Variants in RELCH observed in about 807,000 individuals in gnomAD.
RELCH encodes the protein RAB11 binding and LisH domain, coiled-coil and HEAT repeat containing, also known as RAB11-binding protein RELCH.
A neutral mutation model predicts 150.3 loss-of-function variants in RELCH; 41 were observed. The observed-to-expected ratio is 0.27, with a 90% CI of 0.21 to 0.35. The LOEUF (loss-of-function observed/expected upper bound fraction) is 0.35, where lower values mean the gene tolerates loss of function less well. Ranked by LOEUF, RELCH falls within the 10% of genes least tolerant of loss-of-function variation. The pLI, the probability that RELCH is intolerant of heterozygous loss-of-function variation, is 1.00. For synonymous variants in RELCH, 478 were observed against 531.8 expected, an observed-to-expected ratio of 0.90 and a Z score of 1.39; for missense variants, 1,092 against 1,467.8, an observed-to-expected ratio of 0.74 and a Z score of 4.18.
At chr18:62,203,205 AT>A (rs1296553334) in intron 1 of RELCH, among the ~76,000 whole-genome samples, 2 of 152,132 alleles carry the variant, frequency 1.3e-5, no homozygotes, top group Non-Finnish European at 2.9e-5. Flanking sequence ...CACCTGTAAT[AT>A]CAGCACTTTG....
At chr18:62,235,963 G>A (rs1051537997) in intron 10 of RELCH, among the ~76,000 whole-genome samples, 2 of 151,678 alleles carry the variant, frequency 1.3e-5, no homozygotes, top group Non-Finnish European at 2.9e-5. Context: ...TTGCTTAATT[G>A]CTCTGGCTAG....
chr18:62,291,936 T>C (rs951739631), intron 27 of RELCH, among the ~76,000 whole-genome samples: 1 of 152,196 alleles, frequency 6.6e-6, no homozygotes, highest in Non-Finnish European at 1.5e-5. Flanking sequence ...CCATCAACTT[T>C]CTTAAGTGCA....
Position 62,187,328 on chromosome 18 carries a change from A to T in RELCH, c.-178A>T. On this transcript the variant is annotated 5_prime_UTR_variant, in exon 1 of 29. Coordinates refer to ENST00000644646, the MANE Select transcript of RELCH (RefSeq NM_001346231.2). ...CTGGTGCAGCAGAGGCTGAGGCATC[A>T]GGTGCAGCTGCATCCGGATCTCCTG... 2.1e-6 allele frequency: 1 copy of T among 486,638 alleles called. No individual in the cohort carries two copies. Among genetic ancestry groups the T allele is most frequent in the South Asian group, 5.4e-5 (1 of 18,426 alleles). The allele number at this position is 486,638 out of a possible 1,614,324, so 30.1% of individuals were successfully genotyped here. A position where few individuals can be genotyped will look rare whatever the true frequency, so the allele number is the denominator to read the frequency against.
intron 2 of RELCH, among the ~76,000 whole-genome samples, chr18:62,216,770 A>G (rs921159117): frequency 5.3e-5 from 8 of 151,900 alleles, no homozygotes; most frequent in Non-Finnish European, 1.0e-4. Flanking sequence ...CCTGGATTAG[A>G]AGTAGGCTTC....
rs573275458 is a variant in RELCH, at chr18:62,252,101, T to G, written c.1734-563T>G. On this transcript the variant is annotated intron_variant, in intron 11 of 28. Coordinates refer to ENST00000644646, the MANE Select transcript of RELCH (RefSeq NM_001346231.2). ...ACCTCCGCTTCCCAGGTTCAAGTGA[T>G]TCCCCTGCCTCAGCCTCCCGAGTAG... 9.2e-5 allele frequency among the ~76,000 whole-genome samples: 14 copies of G among 152,094 alleles called. No individual in the cohort carries two copies. The South Asian group carries it at 2.3e-3, about 25-fold the overall frequency.
At chr18:62,269,519 T>G (rs1238916648) in intron 20 of RELCH, 1 of 248,704 alleles carries the variant, frequency 4.0e-6, no homozygotes, top group Admixed American at 4.3e-5. Flanking sequence ...GAAGGTAATT[T>G]TATACAATAT....
chr18:62,272,737 A>G (rs17069685), intron 20 of RELCH, among the ~76,000 whole-genome samples: 2,594 of 152,184 alleles, frequency 0.017, 85 homozygotes, highest in East Asian at 0.13. Context: ...ATAAGATTAT[A>G]GTAAATTTTT....
At chr18:62,273,203 T>C (rs1748922080) in intron 20 of RELCH, among the ~76,000 whole-genome samples, 1 of 152,054 alleles carries the variant, frequency 6.6e-6, no homozygotes, top group African/African-American at 2.4e-5. Context: ...TTTAGGTTAA[T>C]TTAACATAAA....
In RELCH at chr18:62,227,360, T is replaced by C. The variant is rs553797859; in HGVS notation, c.930T>C (p.Asp310=). The change falls in exon 6 of 29, where the codon GAT becomes GAC. Residue 310 remains aspartate, a synonymous_variant. Transcript: ENST00000644646. ...CAGACTTATTGCAACTCTACCGGGATTTTGGAAATCATCAAGTAACTGGAA... is the reference window on the plus strand; with the variant it reads ...CAGACTTATTGCAACTCTACCGGGACTTTGGAAATCATCAAGTAACTGGAA... ...KPPDLLQLYR[D]FGNHQVTGKD... 5.6e-6 allele frequency: 9 copies of C among 1,612,718 alleles called. No individual in the cohort carries two copies. In the South Asian group the frequency reaches 9.9e-5, roughly 18 times the overall value.
intron 10 of RELCH, among the ~76,000 whole-genome samples, chr18:62,240,116 T>C (rs898083062): frequency 2.0e-5 from 3 of 151,926 alleles, no homozygotes; most frequent in African/African-American, 7.2e-5. Flanking sequence ...CCAAATAAAA[T>C]AATAAGTAAA....
intron 11 of RELCH, chr18:62,247,166 A>G (rs2042458562): frequency 6.6e-6 from 1 of 152,208 alleles, no homozygotes; most frequent in Admixed American, 6.5e-5. Flanking sequence ...AGCTGGATCA[A>G]TTTCTTCTTA....
intron 24 of RELCH, 103 bp downstream of exon 24, chr18:62,280,812 GC>G (rs2044475483): frequency 1.3e-6 from 1 of 758,698 alleles, no homozygotes. Flanking sequence ...TTTATTTTGT[GC>G]CCTAGTTAGT....
chr18:62,232,298 A>G, intron 9 of RELCH, 34 bp from the exon 10 acceptor site: 1 of 1,353,682 alleles, frequency 7.4e-7, no homozygotes, highest in Non-Finnish European at 1.1e-6. Flanking sequence ...GAAGTTCTCC[A>G]CTATCATTGT....
At position 62,307,917 on chromosome 18, in the gene RELCH, A is replaced by G. The variant is rs558241653; in HGVS notation, c.*2383A>G. ...TATCTATCTCTATACATAGGTGTCT[A>G]TGACCTTCATTGGTTTGCATTATTC... On this transcript the variant is annotated 3_prime_UTR_variant, in exon 29 of 29. Transcript: ENST00000644646. 2.6e-5 allele frequency: 4 copies of G among 152,298 alleles called. No homozygotes were observed. The highest frequency in any genetic ancestry group is 4.4e-5 in the Non-Finnish European group (3 of 68,020). 9.4% of individuals were successfully genotyped at this position (152,298 alleles called of 1,614,324 possible).
In RELCH at chr18:62,231,238, G is replaced by T. The variant is rs762314033; in HGVS notation, c.1493G>T (p.Arg498Leu). ...CATCAAGCACTACTCTCTTTTTGTC[G>T]AATGTCAGCAGATAGTCGTTTAGGA... The part of the protein sequence containing the change: ...AFHQALLSFC[R>L]MSADSRLGYE... Residue 498 changes from arginine (R) to leucine (L), a missense_variant, in exon 9 of 29, where the codon CGA becomes CTA. Physicochemically the swap from Arg to Leu is moderately radical, Grantham distance 102 (BLOSUM62 -2). This residue lies in a region of RELCH where 707 missense variants were observed against 1,025.4 expected (regional missense o/e 0.69). Transcript: ENST00000644646. 2.5e-6 allele frequency: 4 copies of T among 1,607,316 alleles called. No individual in the cohort carries two copies. In the Admixed American group the frequency reaches 6.7e-5, roughly 27 times the overall value.
At chr18:62,280,569 C>G in intron 23 of RELCH, 77 bp from the exon 24 acceptor site, 2 of 1,315,366 alleles carry the variant, frequency 1.5e-6, no homozygotes, top group Non-Finnish European at 2.2e-6. Flanking sequence ...TTACCTTGTA[C>G]TTACTTTAAT....
chr18:62,220,726 A>C, intron 2 of RELCH: 1 of 299,778 alleles, frequency 3.3e-6, no homozygotes, highest in Non-Finnish European at 6.2e-6. Flanking sequence ...CCAGATTATT[A>C]ATATTTTTAT....
chr18:62,201,398 G>T (rs1181283092), intron 1 of RELCH, among the ~76,000 whole-genome samples: 1 of 151,926 alleles, frequency 6.6e-6, no homozygotes, highest in African/African-American at 2.4e-5. Context: ...TCTTTCTCAT[G>T]ACAGATTTTT....
intron 22 of RELCH, among the ~76,000 whole-genome samples, chr18:62,277,219 G>A: frequency 6.6e-6 from 1 of 151,988 alleles, no homozygotes; most frequent in Non-Finnish European, 1.5e-5. Flanking sequence ...CTTATGTCTG[G>A]TTTTGGTTTC....
Sources: allele counts gnomAD v4.1 joint callset (sites outside exome capture counted in the v4.1 genomes callset), GRCh38; gene constraint gnomAD v4.1.1; regional missense constraint gnomAD v4.1.1; transcripts MANE v1.5; gene names NCBI Gene and HGNC (gene_info 2026-07-23, HGNC 2026-07-21).